Variants in CCDC3 observed in about 807,000 individuals in gnomAD.
CCDC3 encodes coiled-coil domain-containing protein 3.
In CCDC3, 24 loss-of-function variants were observed where a neutral mutation model predicts 21.4. The observed-to-expected ratio is 1.12, with a 90% CI of 0.81 to 1.58. The LOEUF is 1.58. Ranked by LOEUF, CCDC3 falls within the 40% of genes most tolerant of loss-of-function variation. The pLI, the probability that CCDC3 is intolerant of heterozygous loss-of-function variation, is 0.00. For missense variants in CCDC3, 425 were observed against 360.9 expected (o/e 1.18, Z -1.44); for synonymous variants, 186 against 166.0 (o/e 1.12, Z -0.93).
intron 5 of CCDC3, among the ~76,000 whole-genome samples, chr10:13,017,636 T>TC (rs1836088575): frequency 6.6e-6 from 1 of 151,922 alleles, no homozygotes; most frequent in Non-Finnish European, 1.5e-5. Context: ...CTAATGGAAA[T>TC]ACTAGGCACA....
chr10:13,013,660 A>G (rs901235513), intron 5 of CCDC3, among the ~76,000 whole-genome samples: 2 of 152,230 alleles, frequency 1.3e-5, no homozygotes, highest in Non-Finnish European at 2.9e-5. Context: ...ACCAGCTGAT[A>G]AAACATACCG....
At chr10:13,010,644 A>AGC in intron 5 of CCDC3, among the ~76,000 whole-genome samples, 1 of 152,356 alleles carries the variant, frequency 6.6e-6, no homozygotes, top group Middle Eastern at 3.4e-3. Context: ...ATCCCATATA[A>AGC]AGACTCGTAT....
intron 5 of CCDC3, among the ~76,000 whole-genome samples, chr10:13,028,761 G>A (rs140907879): frequency 6.3e-4 from 96 of 152,298 alleles, no homozygotes; most frequent in African/African-American, 2.1e-3. Flanking sequence ...TTAGGAAATA[G>A]CAGGATTGTA....
rs139885853 is a variant in CCDC3 at position 13,042,562 on chromosome 10, C to T, written c.-2+7112G>A. ...AATTCTTCTTATGTGCTGTTGGATG[C>T]AGAGAACTTCAACTTCCTGCTTGGT... On this transcript the variant is annotated intron_variant, in intron 5 of 6. Coordinates refer to the CCDC3 transcript ENST00000378839. Among the ~76,000 whole-genome samples the T allele has an allele frequency of 5.3e-3, 811 of 152,320 alleles. 6 individuals carry two copies. Among genetic ancestry groups the T allele is most frequent in the African/African-American group, 0.019 (777 of 41,572 alleles).
chr10:12,990,760 T>C (rs1280113663), intron 2 of CCDC3, among the ~76,000 whole-genome samples: 2 of 152,244 alleles, frequency 1.3e-5, no homozygotes, highest in Non-Finnish European at 2.9e-5. Flanking sequence ...CTGCATAACA[T>C]GGTAAAACTA....
intron 4 of CCDC3, among the ~76,000 whole-genome samples, chr10:13,063,113 A>G (rs939251450): frequency 1.3e-4 from 6 of 47,632 alleles, no homozygotes; most frequent in African/African-American, 5.4e-4. Flanking sequence ...CCACCCACCA[A>G]GTTATTTTTA....
rs546505945 is a variant in CCDC3, at chr10:12,919,440, A to G, written c.550-20761T>C. On this transcript the variant is annotated intron_variant, in intron 2 of 2. Coordinates refer to ENST00000378825, the MANE Select transcript of CCDC3 (RefSeq NM_031455.4). ...CCCTGTCTTTACTAAAAATACAAAAATTAGCTGGGTGTGGTGTTTTGTGCC... is the reference window on the plus strand; with the variant it reads ...CCCTGTCTTTACTAAAAATACAAAAGTTAGCTGGGTGTGGTGTTTTGTGCC... Among the ~76,000 whole-genome samples the G allele has an allele frequency of 3.2e-3, 492 of 152,158 alleles. 1 individual carries two copies. The highest frequency in any genetic ancestry group is 5.6e-3 in the Non-Finnish European group (379 of 68,002).
chr10:12,987,126 C>T (rs1389055178), intron 2 of CCDC3, among the ~76,000 whole-genome samples: 1 of 152,178 alleles, frequency 6.6e-6, no homozygotes, highest in Non-Finnish European at 1.5e-5. Flanking sequence ...CTCACCCCAG[C>T]GCCTGCACAC....
chr10:13,028,806 A>C (rs1836260552), intron 5 of CCDC3, among the ~76,000 whole-genome samples: 1 of 152,184 alleles, frequency 6.6e-6, no homozygotes, highest in South Asian at 2.1e-4. Context: ...TCTCTCTCTA[A>C]TAGTCAAATC....
intron 1 of CCDC3, 62 bp downstream of exon 1, chr10:13,001,135 A>ACGGCGACCT: frequency 6.6e-7 from 1 of 1,511,980 alleles, no homozygotes; most frequent in Middle Eastern, 1.9e-4. Flanking sequence ...GCTCTAGGTA[A>ACGGCGACCT]CGGCGACCTC....
At chr10:12,980,140 C>T (rs1242665299) in intron 2 of CCDC3, among the ~76,000 whole-genome samples, 1 of 152,242 alleles carries the variant, frequency 6.6e-6, no homozygotes, top group Non-Finnish European at 1.5e-5. Context: ...GCAAAGCAAA[C>T]AGACTGCCCT....
chr10:12,987,371 G>A (rs1418362104), intron 2 of CCDC3, among the ~76,000 whole-genome samples: 1 of 152,114 alleles, frequency 6.6e-6, no homozygotes, highest in African/African-American at 2.4e-5. Flanking sequence ...AGATCTTATG[G>A]GATATATGGG....
upstream of CCDC3, among the ~76,000 whole-genome samples, chr10:13,006,642 G>A (rs75201108): frequency 6.6e-6 from 1 of 152,210 alleles, no homozygotes; most frequent in African/African-American, 2.4e-5. Context: ...GGGTCAGAGA[G>A]AAAATGTGGG....
At chr10:13,046,286 G>T (rs1251377137) in intron 5 of CCDC3, among the ~76,000 whole-genome samples, 1 of 151,922 alleles carries the variant, frequency 6.6e-6, no homozygotes, top group Non-Finnish European at 1.5e-5. Flanking sequence ...CACACCTGTA[G>T]TCCCAGTTGC....
At chr10:13,024,795 T>A (rs1227121017) in intron 5 of CCDC3, among the ~76,000 whole-genome samples, 1 of 152,190 alleles carries the variant, frequency 6.6e-6, no homozygotes, top group African/African-American at 2.4e-5. Flanking sequence ...TTATTAGGTA[T>A]GTTTTCTATT....
Position 12,978,783 on chromosome 10 carries a change from A to G in CCDC3, c.549+19555T>C, listed in dbSNP as rs372698416. Reference sequence around the variant, plus strand: ...AATGGAAAGAGGACCCTTTCCTTAGAGCAGGTAACTAATTTAGAAAGGACC... The same window carrying G: ...AATGGAAAGAGGACCCTTTCCTTAGGGCAGGTAACTAATTTAGAAAGGACC... On this transcript the variant is annotated intron_variant, in intron 2 of 2. Transcript: ENST00000378825. Among the ~76,000 whole-genome samples the G allele has an allele frequency of 4.6e-5, 7 of 152,340 alleles. No homozygotes were observed. In the South Asian group the frequency reaches 8.3e-4, roughly 18 times the overall value.
intron 3 of CCDC3, among the ~76,000 whole-genome samples, chr10:13,095,076 G>T (rs1413792210): frequency 2.0e-5 from 3 of 152,096 alleles, no homozygotes; most frequent in African/African-American, 7.2e-5. Context: ...CTTTCATGCT[G>T]GATTTCAGGG....
intron 5 of CCDC3, among the ~76,000 whole-genome samples, chr10:13,011,823 C>T (rs1382519549): frequency 6.6e-6 from 1 of 152,150 alleles, no homozygotes; most frequent in Non-Finnish European, 1.5e-5. Flanking sequence ...GTAATCAAAA[C>T]AGCATGGTAG....
At chr10:12,948,892 C>T (rs1048227912) in intron 2 of CCDC3, among the ~76,000 whole-genome samples, 7 of 87,356 alleles carry the variant, frequency 8.0e-5, no homozygotes, top group Non-Finnish European at 1.3e-4. Context: ...CCACCATGCC[C>T]GGCTAATTTT....
Sources: allele counts gnomAD v4.1 joint callset (sites outside exome capture counted in the v4.1 genomes callset), GRCh38; gene constraint gnomAD v4.1.1; transcripts MANE v1.5; gene names NCBI Gene and HGNC (gene_info 2026-07-23, HGNC 2026-07-21).